Variants in CDH13 observed in about 807,000 individuals in gnomAD.
CDH13 encodes cadherin-13.
Under a neutral mutation model 63.8 loss-of-function variants are expected in CDH13, and 24 were observed. The observed-to-expected ratio is 0.38, with a 90% confidence interval of 0.27 to 0.53. The LOEUF (loss-of-function observed/expected upper bound fraction) is 0.53, where lower values mean the gene tolerates loss of function less well. CDH13 is among the 20% of genes least tolerant of loss of function. The pLI is 0.85. For missense variants in CDH13, 1,049 were observed against 903.1 expected, an observed-to-expected ratio of 1.16 and a Z score of -2.07; for synonymous variants, 503 against 355.3, an observed-to-expected ratio of 1.42 and a Z score of -4.67.
intron 4 of CDH13, among the ~76,000 whole-genome samples, chr16:83,173,682 A>T (rs1394900741): frequency 6.6e-6 from 1 of 152,132 alleles, no homozygotes; most frequent in African/African-American, 2.4e-5. Context: ...TTGGCAAACT[A>T]TATGAAAGAT....
At chr16:83,695,321 G>T (rs1905270025) in intron 10 of CDH13, among the ~76,000 whole-genome samples, 1 of 152,208 alleles carries the variant, frequency 6.6e-6, no homozygotes, top group African/African-American at 2.4e-5. Flanking sequence ...ACTCAGCATG[G>T]CGCTGCTGTG....
chr16:83,172,381 C>T (rs973375647), intron 4 of CDH13, among the ~76,000 whole-genome samples: 6 of 151,964 alleles, frequency 3.9e-5, no homozygotes, highest in African/African-American at 1.4e-4. Flanking sequence ...ATTCCAGCTA[C>T]TCATGAGGCT....
chr16:83,414,765 T>C (rs765635783), intron 6 of CDH13, among the ~76,000 whole-genome samples: 5 of 152,164 alleles, frequency 3.3e-5, no homozygotes, highest in Non-Finnish European at 4.4e-5. Flanking sequence ...ACTTGTGAGG[T>C]TGAATCATAT....
At chr16:83,361,916 T>G (rs1287847157) in intron 6 of CDH13, among the ~76,000 whole-genome samples, 4 of 152,178 alleles carry the variant, frequency 2.6e-5, no homozygotes, top group Admixed American at 2.6e-4. Context: ...TGGGGTATTT[T>G]TTGGTTGTAT....
intron 1 of CDH13, among the ~76,000 whole-genome samples, chr16:82,731,547 T>C (rs567210718): frequency 5.0e-4 from 76 of 152,370 alleles, no homozygotes; most frequent in African/African-American, 1.7e-3. Flanking sequence ...GCTCAAGACA[T>C]TGACAAATAA....
At chr16:83,789,222 G>C (rs1916090428) in intron 13 of CDH13, among the ~76,000 whole-genome samples, 1 of 152,096 alleles carries the variant, frequency 6.6e-6, no homozygotes, top group Non-Finnish European at 1.5e-5. Context: ...CGACCCACGT[G>C]TGCTACCATT....
At chr16:83,031,655 G>A (rs1567762394) in intron 2 of CDH13, among the ~76,000 whole-genome samples, 3 of 151,972 alleles carry the variant, frequency 2.0e-5, no homozygotes, top group Non-Finnish European at 4.4e-5. Flanking sequence ...ATGGTCCTGA[G>A]CACCCTGTGG....
At chr16:82,733,390 T>C (rs554797313) in intron 1 of CDH13, among the ~76,000 whole-genome samples, 14 of 152,210 alleles carry the variant, frequency 9.2e-5, no homozygotes, top group Non-Finnish European at 2.1e-4. Flanking sequence ...AATCAAATGA[T>C]CTATTGCGTG....
At chr16:82,863,765 A>C (rs1199020890) in intron 2 of CDH13, among the ~76,000 whole-genome samples, 2 of 152,228 alleles carry the variant, frequency 1.3e-5, no homozygotes, top group African/African-American at 4.8e-5. Context: ...TGGCTTTAAG[A>C]AGAAAAATCA....
intron 5 of CDH13, among the ~76,000 whole-genome samples, chr16:83,232,209 C>CTTT (rs1555516431): frequency 0.13 from 9,171 of 68,758 alleles, 1,006 homozygotes; most frequent in Middle Eastern, 0.17. Context: ...AAAGTGTTTT[C>CTTT]TTTTTTTTTT....
At chr16:82,707,418 C>G (rs1006849242) in intron 1 of CDH13, among the ~76,000 whole-genome samples, 5 of 152,150 alleles carry the variant, frequency 3.3e-5, no homozygotes, top group Admixed American at 2.0e-4. Context: ...AATGGTGCCA[C>G]CAGCACATAC....
intron 6 of CDH13, among the ~76,000 whole-genome samples, chr16:83,442,979 T>A (rs745312002): frequency 6.6e-6 from 1 of 152,228 alleles, no homozygotes; most frequent in Non-Finnish European, 1.5e-5. Context: ...ACAGCTGAAT[T>A]ATTTAGTGAG....
intron 4 of CDH13, among the ~76,000 whole-genome samples, chr16:83,152,209 A>T (rs377496947): frequency 1.8e-4 from 28 of 152,320 alleles, no homozygotes; most frequent in Non-Finnish European, 2.9e-4. Flanking sequence ...TTGCTGTTTG[A>T]TGTCTTACAT....
At chr16:82,931,557 G>T (rs1412383391) in intron 2 of CDH13, among the ~76,000 whole-genome samples, 2 of 150,282 alleles carry the variant, frequency 1.3e-5, no homozygotes, top group Non-Finnish European at 3.0e-5. Flanking sequence ...GATGGCCTTA[G>T]GTATTAGTCT....
chr16:83,089,250 T>A (rs2033772499), intron 3 of CDH13, among the ~76,000 whole-genome samples: 2 of 152,206 alleles, frequency 1.3e-5, no homozygotes, highest in African/African-American at 4.8e-5. Context: ...TAACGTCACA[T>A]CTCTATTTGA....
At chr16:82,721,064 G>T (rs1394907392) in intron 1 of CDH13, among the ~76,000 whole-genome samples, 1 of 152,162 alleles carries the variant, frequency 6.6e-6, no homozygotes, top group African/African-American at 2.4e-5. Context: ...TATAACCAGG[G>T]ATGCAAAGTG....
chr16:82,907,105 C>G (rs984669137), intron 2 of CDH13, among the ~76,000 whole-genome samples: 4 of 152,194 alleles, frequency 2.6e-5, no homozygotes, highest in Non-Finnish European at 5.9e-5. Flanking sequence ...GCCTCTTATT[C>G]AAGGCCTACT....
At position 83,107,875 on chromosome 16, in the gene CDH13, A is replaced by C. The variant is rs137985048; in HGVS notation, c.367-17510A>C. ...CGCTCTGTTGCCCAGGCTGGAGTGC[A>C]TTGGTGTGATCTCGGCTCACTGCAA... On this transcript the variant is annotated intron_variant, in intron 3 of 13. Coordinates refer to ENST00000567109, the MANE Select transcript of CDH13 (RefSeq NM_001257.5). 6.7e-3 allele frequency among the ~76,000 whole-genome samples: 1,013 copies of C among 150,968 alleles called. 13 individuals are homozygous for C. The highest frequency in any genetic ancestry group is 0.024 in the African/African-American group (981 of 40,996).
chr16:83,254,709 C>A (rs1905995778), intron 5 of CDH13, among the ~76,000 whole-genome samples: 1 of 152,192 alleles, frequency 6.6e-6, no homozygotes, highest in African/African-American at 2.4e-5. Flanking sequence ...AACCTTGAAT[C>A]TGTTCAATAA....
Sources: gnomAD v4.1 joint callset for allele counts (sites outside exome capture counted in the v4.1 genomes callset) on GRCh38, gnomAD v4.1.1 for gene constraint, MANE v1.5 for transcripts, NCBI Gene and HGNC (gene_info 2026-07-23, HGNC 2026-07-21) for gene names.